Variants in CNTNAP1 observed in about 807,000 individuals in gnomAD.
The protein encoded by CNTNAP1 is contactin associated protein 1.
In CNTNAP1, 80 loss-of-function variants were observed where a neutral mutation model predicts 161.5. The ratio of observed to expected loss-of-function variants is 0.50; its 90% confidence interval spans 0.41 to 0.60. CNTNAP1 has a LOEUF of 0.60. CNTNAP1 is among the 20% of genes least tolerant of loss of function. CNTNAP1 has a pLI of 0.00. For synonymous variants in CNTNAP1, 695 were observed against 733.1 expected, an observed-to-expected ratio of 0.95 and a Z score of 0.84; for missense variants, 1,464 against 1,854.8, an observed-to-expected ratio of 0.79 and a Z score of 3.87.
rs1201417469 is a variant in CNTNAP1 at position 42,696,020 on chromosome 17, C to G, written c.3347-5C>G. ...GACCCCAAATTTCTTCTCCCCACCC[C>G]ACAGGGACCCTTCAGCTGCGATATC... is the stretch of plus-strand genomic sequence containing the variant. On this transcript the variant is annotated splice_polypyrimidine_tract_variant and splice_region_variant and intron_variant, in intron 19 of 23. Transcript: ENST00000264638. 9 of 1,613,934 alleles carry G rather than the reference C, an allele frequency of 5.6e-6. No individual in the cohort carries two copies. Among genetic ancestry groups the G allele is most frequent in the Non-Finnish European group, 7.6e-6 (9 of 1,179,976 alleles).
intron 20 of CNTNAP1, 47 bp from the exon 21 acceptor site, chr17:42,697,227 T>G (rs1176857449): frequency 7.4e-7 from 1 of 1,349,902 alleles, no homozygotes; most frequent in Admixed American, 1.7e-5. Flanking sequence ...CATCTGCTTC[T>G]GGTCCCCGCT....
At position 42,693,296 on chromosome 17, in the gene CNTNAP1, G is replaced by A; in HGVS notation, c.2753-1G>A. On this transcript the variant is annotated splice_acceptor_variant, in intron 17 of 23. Coordinates refer to ENST00000264638, the MANE Select transcript of CNTNAP1 (RefSeq NM_003632.3). LOFTEE classifies it high-confidence loss of function. The stretch of plus-strand genomic sequence containing the variant: ...CTTGACCTGTTGCCTACCCTTCCCA[G>A]GATCTGCAGAGCTTAAGAGACGCCC... 6.2e-7 allele frequency: 1 copy of A among 1,613,876 alleles called. No individual in the cohort carries two copies. The highest frequency in any genetic ancestry group is 8.5e-7 in the Non-Finnish European group (1 of 1,179,812).
intron 18 of CNTNAP1, among the ~76,000 whole-genome samples, chr17:42,694,151 G>A (rs565411209): frequency 9.9e-5 from 15 of 151,320 alleles, no homozygotes; most frequent in Non-Finnish European, 1.6e-4. Flanking sequence ...GAGCCACCGC[G>A]TCTGGCCAAA....
At chr17:42,683,651 GCTGTTGCTGC>G (rs2052966932) in intron 1 of CNTNAP1, 160 bp from the exon 2 acceptor site, 2 of 1,435,844 alleles carry the variant, frequency 1.4e-6, no homozygotes, top group African/African-American at 2.9e-5. Context: ...TGAGCATGCA[GCTGTTGCTGC>G]AGCCAGGATT....
intron 1 of CNTNAP1, 187 bp from the exon 2 acceptor site, chr17:42,683,634 C>T (rs1268753580): frequency 7.0e-7 from 1 of 1,429,332 alleles, no homozygotes; most frequent in African/African-American, 1.4e-5. Flanking sequence ...GAGAAGGTAG[C>T]CTCCTCTGAG....
At chr17:42,698,030 A>C (rs1471718186) in intron 23 of CNTNAP1, 80 bp downstream of exon 23, 2 of 1,523,740 alleles carry the variant, frequency 1.3e-6, no homozygotes, top group African/African-American at 2.7e-5. Context: ...CCTGATCCCC[A>C]AGGCTGCAGG....
chr17:42,697,702 T>A lies in CNTNAP1; in HGVS notation c.3717T>A (p.Leu1239=), dbSNP rs1169764843. The part of the protein sequence containing the change: ...RPMTAELAEA[L]RVQGELSESN... The stretch of plus-strand genomic sequence containing the variant: ...TGACTGCTGAGCTAGCTGAGGCCCT[T>A]CGAGTTCAGGGAGAACTGTCCGAAT... Residue 1239 remains leucine (L), a synonymous_variant, in exon 22 of 24, where the codon CTT becomes CTA. Coordinates refer to ENST00000264638, the MANE Select transcript of CNTNAP1 (RefSeq NM_003632.3). 1 of 1,614,134 alleles carries A rather than the reference T, an allele frequency of 6.2e-7. No homozygotes were observed.
At chr17:42,689,426 G>A in intron 10 of CNTNAP1, 95 bp from the exon 11 acceptor site, 2 of 974,452 alleles carry the variant, frequency 2.1e-6, no homozygotes, top group Non-Finnish European at 3.1e-6. Flanking sequence ...CGGGTTCTGG[G>A]GCTTCAAGGA....
intron 18 of CNTNAP1, among the ~76,000 whole-genome samples, chr17:42,694,774 C>A (rs1415517203): frequency 6.6e-6 from 1 of 152,154 alleles, no homozygotes; most frequent in Admixed American, 6.5e-5. Flanking sequence ...TGAGCCTTGA[C>A]ATTCCCCATA....
intron 8 of CNTNAP1, 24 bp from the exon 9 acceptor site, chr17:42,688,438 A>G (rs1418713564): frequency 3.1e-6 from 5 of 1,614,100 alleles, no homozygotes; most frequent in Non-Finnish European, 4.2e-6. Flanking sequence ...CCCTCCACCC[A>G]CACCATCATC....
chr17:42,682,569 G>C lies in CNTNAP1; in HGVS notation c.-261G>C. 2 of 526,200 alleles carry C rather than the reference G, an allele frequency of 3.8e-6. No homozygotes were observed. Among genetic ancestry groups the C allele is most frequent in the South Asian group, 2.2e-5 (1 of 44,954 alleles). 32.6% of individuals were successfully genotyped at this position (526,200 alleles called of 1,614,324 possible). A position where few individuals can be genotyped will look rare whatever the true frequency, so the allele number is the denominator to read the frequency against. On this transcript the variant is annotated 5_prime_UTR_variant, in exon 1 of 24. Transcript: ENST00000264638. ...GCCAGGAGACAGAGGCTGGGGAAGGGGGGAGGTGAGAGGAAAGAGGGTGGA... is the reference window on the plus strand; with the variant it reads ...GCCAGGAGACAGAGGCTGGGGAAGGCGGGAGGTGAGAGGAAAGAGGGTGGA...
chr17:42,690,979 G>A, intron 13 of CNTNAP1, 37 bp downstream of exon 13: 2 of 1,611,450 alleles, frequency 1.2e-6, no homozygotes, highest in Non-Finnish European at 1.7e-6. Flanking sequence ...GGAACTGGAG[G>A]AGACACCAAT....
intron 10 of CNTNAP1, 39 bp from the exon 11 acceptor site, chr17:42,689,482 C>A: frequency 6.6e-7 from 1 of 1,525,848 alleles, no homozygotes; most frequent in Non-Finnish European, 9.0e-7. Context: ...CTCCAGCTCC[C>A]AGTAAGGCTC....
intron 6 of CNTNAP1, 93 bp downstream of exon 6, chr17:42,686,234 TCA>T: frequency 7.7e-7 from 1 of 1,294,190 alleles, no homozygotes; most frequent in Middle Eastern, 1.9e-4. Flanking sequence ...CCTCTGTCTC[TCA>T]GAGGAAAGAC....
At chr17:42,683,626 G>C (rs979185653) in intron 1 of CNTNAP1, 195 bp from the exon 2 acceptor site, 3 of 1,428,148 alleles carry the variant, frequency 2.1e-6, no homozygotes, top group Non-Finnish European at 2.7e-6. Flanking sequence ...CCTAGAAGGA[G>C]AAGGTAGCCT....
intron 17 of CNTNAP1, among the ~76,000 whole-genome samples, 186 bp from the exon 18 acceptor site, chr17:42,693,111 C>T (rs1207771853): frequency 3.3e-5 from 5 of 152,126 alleles, no homozygotes; most frequent in African/African-American, 7.2e-5. Context: ...CGCCCGCCAC[C>T]GTGCCCAGCT....
At position 42,687,998 on chromosome 17, in the gene CNTNAP1, G is replaced by T; in HGVS notation, c.1306+17G>T. The T allele has an allele frequency of 6.2e-7, 1 of 1,608,788 alleles. No homozygotes were observed. On this transcript the variant is annotated intron_variant, in intron 8 of 23. Coordinates refer to ENST00000264638, the MANE Select transcript of CNTNAP1 (RefSeq NM_003632.3). The surrounding 1 kb of genome is among the most constrained non-coding windows in gnomAD (Gnocchi z 4.7). ...TCGCTGCTGGTGAGGGCGTTTCGGG[G>T]GAGGCACAAGAAGAGAAGAGAAGTG...
chr17:42,685,401 G>A lies in CNTNAP1; in HGVS notation c.696G>A (p.Leu232=), dbSNP rs759207925. The A allele has an allele frequency of 6.2e-7, 1 of 1,603,462 alleles. No homozygotes were observed. The highest frequency in any genetic ancestry group is 8.5e-7 in the Non-Finnish European group (1 of 1,179,858). Residue 232 remains leucine (L), a synonymous_variant, in exon 5 of 24, where the codon CTG becomes CTA. Coordinates refer to ENST00000264638, the MANE Select transcript of CNTNAP1 (RefSeq NM_003632.3). The surrounding 1 kb of genome is among the most constrained non-coding windows in gnomAD (Gnocchi z 5.0). The part of the protein sequence containing the change: ...YVTLELEGAH[L]LLHMSLGSSP... ...CGCTCGAGCTGGAGGGGGCACACCTGCTGCTGCACATGAGCCTGGGTGAGC... is the reference window on the plus strand; with the variant it reads ...CGCTCGAGCTGGAGGGGGCACACCTACTGCTGCACATGAGCCTGGGTGAGC...
At position 42,687,198 on chromosome 17, in the gene CNTNAP1, C is replaced by A; in HGVS notation, c.1044+152C>A. 1 of 1,096,760 alleles carries A rather than the reference C, an allele frequency of 9.1e-7. No individual in the cohort carries two copies. The highest frequency in any genetic ancestry group is 1.3e-6 in the Non-Finnish European group (1 of 782,492). 67.9% of individuals were successfully genotyped at this position (1,096,760 alleles called of 1,614,324 possible). ...CAAGTTGGGAGGGGAGCGGGTCTCA[C>A]CTGAGGTGCATGAGCCACGCAGGCC... On this transcript the variant is annotated intron_variant, in intron 7 of 23. Transcript: ENST00000264638. This position sits in a 1 kb window ranked among gnomAD's most constrained non-coding sequence, Gnocchi z 4.7.
Sources: allele counts gnomAD v4.1 joint callset (sites outside exome capture counted in the v4.1 genomes callset), GRCh38; gene constraint gnomAD v4.1.1; non-coding constraint Gnocchi (gnomAD v3.1); transcripts MANE v1.5; gene names NCBI Gene and HGNC (gene_info 2026-07-23, HGNC 2026-07-21).